Variants in CPEB3 observed in about 807,000 individuals in gnomAD.
The protein encoded by CPEB3 is cytoplasmic polyadenylation element-binding protein 3.
In CPEB3, 20 loss-of-function variants were observed where a neutral mutation model predicts 67.2. The observed-to-expected ratio is 0.30, with a 90% CI of 0.21 to 0.43. The LOEUF is 0.43. CPEB3 is among the 20% of genes least tolerant of loss of function. The pLI, the probability that CPEB3 is intolerant of heterozygous loss-of-function variation, is 1.00. For synonymous variants in CPEB3, 376 were observed against 393.1 expected, an observed-to-expected ratio of 0.96 and a Z score of 0.51; for missense variants, 746 against 968.6, an observed-to-expected ratio of 0.77 and a Z score of 3.05.
chr10:92,085,737 T>C (rs938335104), intron 8 of CPEB3, among the ~76,000 whole-genome samples: 2 of 152,178 alleles, frequency 1.3e-5, no homozygotes, highest in Non-Finnish European at 2.9e-5. Context: ...GCCTCCCAAG[T>C]AGCTGGGATT....
chr10:92,154,574 G>T (rs1847116784), intron 4 of CPEB3, among the ~76,000 whole-genome samples: 1 of 152,110 alleles, frequency 6.6e-6, no homozygotes, highest in African/African-American at 2.4e-5. Context: ...TCTGTGTCCA[G>T]GAGTTTCACC....
At chr10:92,154,738 A>G (rs1277252524) in intron 4 of CPEB3, among the ~76,000 whole-genome samples, 1 of 152,222 alleles carries the variant, frequency 6.6e-6, no homozygotes, top group Non-Finnish European at 1.5e-5. Flanking sequence ...GGAGAAACAC[A>G]TACTAGAATG....
intron 1 of CPEB3, among the ~76,000 whole-genome samples, chr10:92,283,510 AG>A (rs1842390672): frequency 6.6e-6 from 1 of 152,120 alleles, no homozygotes; most frequent in South Asian, 2.1e-4. Context: ...ATCAATGTTA[AG>A]ACTCAAACCT....
intron 4 of CPEB3, among the ~76,000 whole-genome samples, chr10:92,162,083 TC>T (rs1258155243): frequency 6.6e-6 from 1 of 152,170 alleles, no homozygotes; most frequent in Non-Finnish European, 1.5e-5. Flanking sequence ...GTCTATCTAC[TC>T]CCTCTAAGAA....
At chr10:92,265,988 T>C (rs1361828264) in intron 1 of CPEB3, among the ~76,000 whole-genome samples, 1 of 151,926 alleles carries the variant, frequency 6.6e-6, no homozygotes, top group Non-Finnish European at 1.5e-5. Context: ...TAATGGATTA[T>C]GATAAAGGTG....
chr10:92,166,259 C>T (rs1033719976), intron 4 of CPEB3, among the ~76,000 whole-genome samples: 1 of 152,002 alleles, frequency 6.6e-6, no homozygotes, highest in East Asian at 1.9e-4. Context: ...CAGGCGTGCA[C>T]CACCATGCAC....
intron 1 of CPEB3, among the ~76,000 whole-genome samples, chr10:92,267,187 GGC>G (rs1175162574): frequency 6.6e-6 from 1 of 152,102 alleles, no homozygotes; most frequent in Non-Finnish European, 1.5e-5. Context: ...AGCTGGGGTT[GGC>G]AAATTTTTTC....
At chr10:92,069,682 G>T (rs994522016) in intron 9 of CPEB3, among the ~76,000 whole-genome samples, 3 of 152,166 alleles carry the variant, frequency 2.0e-5, no homozygotes, top group Non-Finnish European at 2.9e-5. Flanking sequence ...TGGGATTACA[G>T]GCATGAGCCA....
chr10:92,161,749 C>T (rs1178664863), intron 4 of CPEB3, among the ~76,000 whole-genome samples: 1 of 152,182 alleles, frequency 6.6e-6, no homozygotes, highest in Non-Finnish European at 1.5e-5. Context: ...ACTACAACCT[C>T]CACCTCCCGG....
chr10:92,212,081 A>G (rs189999913), intron 2 of CPEB3, among the ~76,000 whole-genome samples: 2 of 150,910 alleles, frequency 1.3e-5, no homozygotes, highest in African/African-American at 4.9e-5. Flanking sequence ...GGGTTTCACT[A>G]TGTTGGCCAG....
chr10:92,256,237 G>C (rs1308377092), intron 1 of CPEB3, among the ~76,000 whole-genome samples: 1 of 151,766 alleles, frequency 6.6e-6, no homozygotes, highest in Non-Finnish European at 1.5e-5. Flanking sequence ...CTACAGCAGT[G>C]ATCTCCTAAT....
intron 9 of CPEB3, among the ~76,000 whole-genome samples, chr10:92,072,953 G>A (rs1433706108): frequency 6.6e-6 from 1 of 150,872 alleles, no homozygotes; most frequent in Non-Finnish European, 1.5e-5. Context: ...GTAAACATGA[G>A]CCATAAGGTA....
chr10:92,085,053 C>G (rs148537969), intron 8 of CPEB3, among the ~76,000 whole-genome samples: 1 of 152,262 alleles, frequency 6.6e-6, no homozygotes, highest in East Asian at 1.9e-4. Context: ...AACAGAATTT[C>G]TAGTCCTCAT....
intron 7 of CPEB3, among the ~76,000 whole-genome samples, chr10:92,098,928 T>C (rs1844033915): frequency 6.6e-6 from 1 of 151,868 alleles, no homozygotes; most frequent in South Asian, 2.1e-4. Flanking sequence ...CCTGCCCCAA[T>C]GCCCAGTTAA....
intron 3 of CPEB3, among the ~76,000 whole-genome samples, chr10:92,192,030 A>G (rs939793196): frequency 2.0e-5 from 3 of 152,192 alleles, no homozygotes; most frequent in African/African-American, 7.2e-5. Context: ...TTCCTATACT[A>G]GGAAGGGGAT....
At chr10:92,136,044 G>C (rs1004800611) in intron 6 of CPEB3, among the ~76,000 whole-genome samples, 1 of 152,002 alleles carries the variant, frequency 6.6e-6, no homozygotes, top group Non-Finnish European at 1.5e-5. Context: ...ATAGCATTAG[G>C]AGAAATACCT....
chr10:92,134,745 G>C (rs956026618), intron 6 of CPEB3, among the ~76,000 whole-genome samples: 3 of 151,850 alleles, frequency 2.0e-5, no homozygotes, highest in Non-Finnish European at 4.4e-5. Context: ...GAGGCATCAT[G>C]CTACCTGACT....
chr10:92,076,974 C>A (rs1842960940), intron 9 of CPEB3, among the ~76,000 whole-genome samples: 1 of 152,076 alleles, frequency 6.6e-6, no homozygotes, highest in Admixed American at 6.6e-5. Context: ...GGACTGTTTA[C>A]ACAGGTGGAC....
At chr10:92,245,805 G>A (rs1852034493) in intron 1 of CPEB3, among the ~76,000 whole-genome samples, 1 of 152,142 alleles carries the variant, frequency 6.6e-6, no homozygotes, top group East Asian at 1.9e-4. Context: ...GGGAGGCCGA[G>A]GCGGCTGGAT....
Sources: gnomAD v4.1 joint callset for allele counts (sites outside exome capture counted in the v4.1 genomes callset) on GRCh38, gnomAD v4.1.1 for gene constraint, MANE v1.5 for transcripts, NCBI Gene and HGNC (gene_info 2026-07-23, HGNC 2026-07-21) for gene names.